SLC14A2: variants seen among roughly 807,000 people sequenced by gnomAD.
The protein encoded by SLC14A2 is solute carrier family 14 member 2.
SLC14A2 carries 91 observed loss-of-function variants against 104.6 expected under a neutral mutation model. The ratio of observed to expected loss-of-function variants is 0.87; its 90% CI spans 0.73 to 1.04. SLC14A2 has a LOEUF of 1.04. SLC14A2 is among the 50% of genes least tolerant of loss of function. SLC14A2 has a pLI of 0.00. For missense variants in SLC14A2, 1,189 were observed against 1,156.0 expected (o/e 1.03, Z -0.41); for synonymous variants, 476 against 466.4 (o/e 1.02, Z -0.27).
chr18:45,486,526 G>C (rs1185257008), intron 2 of SLC14A2, among the ~76,000 whole-genome samples: 2 of 152,044 alleles, frequency 1.3e-5, no homozygotes, highest in African/African-American at 4.8e-5. Flanking sequence ...GTATTTGCAG[G>C]TCCACTAGCA....
intron 1 of SLC14A2, among the ~76,000 whole-genome samples, chr18:45,272,499 G>A (rs1310137335): frequency 6.6e-6 from 1 of 152,014 alleles, no homozygotes; most frequent in Non-Finnish European, 1.5e-5. Flanking sequence ...AACATCACAT[G>A]TTCTCACTTA....
intron 1 of SLC14A2, among the ~76,000 whole-genome samples, chr18:45,312,688 A>T (rs779954840): frequency 2.0e-5 from 3 of 152,214 alleles, no homozygotes; most frequent in Non-Finnish European, 2.9e-5. Flanking sequence ...CTGTGGGCTA[A>T]TTGCTCGTCT....
chr18:45,189,344 G>A, the SLC14A2 span, among the ~76,000 whole-genome samples: 1 of 152,156 alleles, frequency 6.6e-6, no homozygotes, highest in Non-Finnish European at 1.5e-5. Flanking sequence ...GCTTTATAAT[G>A]TTCTTATGAG....
intron 1 of SLC14A2, among the ~76,000 whole-genome samples, chr18:45,358,072 G>T (rs1193959356): frequency 3.9e-5 from 6 of 152,198 alleles, no homozygotes; most frequent in Non-Finnish European, 8.8e-5. Context: ...AGGTTTGGTG[G>T]TCTACCCTTT....
chr18:45,601,154 A>G (rs1455179290), intron 2 of SLC14A2, among the ~76,000 whole-genome samples: 1 of 152,352 alleles, frequency 6.6e-6, no homozygotes, highest in East Asian at 1.9e-4. Context: ...GTATGGTGGA[A>G]AAACAAAAGA....
intron 1 of SLC14A2, among the ~76,000 whole-genome samples, chr18:45,336,417 G>A (rs1440726339): frequency 6.6e-6 from 1 of 151,942 alleles, no homozygotes; most frequent in Non-Finnish European, 1.5e-5. Flanking sequence ...CACTGGGCAG[G>A]AGGCTGGGCC....
intron 1 of SLC14A2, among the ~76,000 whole-genome samples, chr18:45,250,094 G>A (rs764663801): frequency 6.6e-6 from 1 of 152,194 alleles, no homozygotes; most frequent in Non-Finnish European, 1.5e-5. Context: ...GAACCCACAT[G>A]TGGAAACTCA....
intron 2 of SLC14A2, among the ~76,000 whole-genome samples, chr18:45,516,476 G>GC (rs1427868685): frequency 6.6e-6 from 1 of 152,168 alleles, no homozygotes; most frequent in Non-Finnish European, 1.5e-5. Flanking sequence ...TTCAAGTGCT[G>GC]CCCCAGGGAC....
At chr18:45,615,848 A>G (rs1023013036) in intron 1 of SLC14A2, among the ~76,000 whole-genome samples, 22 of 150,918 alleles carry the variant, frequency 1.5e-4, no homozygotes, top group Non-Finnish European at 3.1e-4. Context: ...AGAGAGAGAG[A>G]GAGAGAGAGA....
chr18:45,586,327 C>T (rs1448504286), intron 2 of SLC14A2, among the ~76,000 whole-genome samples: 1 of 152,066 alleles, frequency 6.6e-6, no homozygotes, highest in African/African-American at 2.4e-5. Context: ...GTCCAAGGAG[C>T]CTCAGATGTC....
rs1344659694 is a variant in SLC14A2 at position 45,547,283 on chromosome 18, T to C, written c.-35+63961T>C. 2.0e-5 allele frequency among the ~76,000 whole-genome samples: 3 copies of C among 152,206 alleles called. No individual in the cohort carries two copies. In the South Asian group the frequency reaches 6.2e-4, roughly 32 times the overall value. On this transcript the variant is annotated intron_variant, in intron 2 of 20. Coordinates refer to the SLC14A2 transcript ENST00000586448. ...CACCAGAGAACCTCATTCCCACCTTTAACAAGTCCTCTCAGGGAAAATTTT... is the reference window on the plus strand; with the variant it reads ...CACCAGAGAACCTCATTCCCACCTTCAACAAGTCCTCTCAGGGAAAATTTT...
intron 1 of SLC14A2, among the ~76,000 whole-genome samples, chr18:45,226,673 G>A (rs1310030748): frequency 2.2e-5 from 3 of 136,846 alleles, no homozygotes; most frequent in Admixed American, 1.5e-4. Flanking sequence ...CTGTTGGGTG[G>A]GGGGAGGGGG....
At chr18:45,291,314 C>A (rs1437199758) in intron 1 of SLC14A2, among the ~76,000 whole-genome samples, 1 of 152,032 alleles carries the variant, frequency 6.6e-6, no homozygotes, top group Admixed American at 6.6e-5. Context: ...AGAGACAATT[C>A]TTTCTTTCTC....
At chr18:45,212,849 C>T (rs2083973105), upstream of SLC14A2, 1 of 152,200 alleles carries the variant, frequency 6.6e-6, no homozygotes, top group South Asian at 2.1e-4. Flanking sequence ...ATTGTGAAAA[C>T]TGATCCGATC....
intron 1 of SLC14A2, among the ~76,000 whole-genome samples, chr18:45,358,282 T>C (rs2085575541): frequency 6.6e-6 from 1 of 152,158 alleles, no homozygotes; most frequent in Non-Finnish European, 1.5e-5. Context: ...TGGCCAGTGA[T>C]TAATGACGCT....
chr18:45,352,167 G>A (rs2085509750), intron 1 of SLC14A2, among the ~76,000 whole-genome samples: 6 of 152,126 alleles, frequency 3.9e-5, no homozygotes, highest in Admixed American at 3.9e-4. Flanking sequence ...GCACATTCAT[G>A]AGGTCTTCAG....
intron 1 of SLC14A2, among the ~76,000 whole-genome samples, chr18:45,454,353 T>C (rs1228658746): frequency 6.6e-6 from 1 of 152,196 alleles, no homozygotes; most frequent in Non-Finnish European, 1.5e-5. Context: ...ACTTAAGAAA[T>C]GTCTTTTTCT....
At chr18:45,469,971 C>T (rs1188624000) in intron 1 of SLC14A2, among the ~76,000 whole-genome samples, 6 of 152,066 alleles carry the variant, frequency 3.9e-5, no homozygotes, top group Non-Finnish European at 5.9e-5. Context: ...AAAAATACAG[C>T]GAGTTGAAAA....
chr18:45,662,407 C>T (rs2045950041), intron 10 of SLC14A2, among the ~76,000 whole-genome samples: 1 of 152,200 alleles, frequency 6.6e-6, no homozygotes, highest in Non-Finnish European at 1.5e-5. Flanking sequence ...ATAGTTGTTT[C>T]TACATAAGCA....
Sources: allele counts gnomAD v4.1 joint callset (sites outside exome capture counted in the v4.1 genomes callset), GRCh38; gene constraint gnomAD v4.1.1; transcripts MANE v1.5; gene names NCBI Gene and HGNC (gene_info 2026-07-23, HGNC 2026-07-21).